CTCFL: variants seen among roughly 807,000 people sequenced by gnomAD.
The protein encoded by CTCFL is CCCTC-binding factor like, also known as transcriptional repressor CTCFL.
CTCFL carries 36 observed loss-of-function variants against 67.4 expected under a neutral mutation model. The observed-to-expected ratio is 0.53, with a 90% CI of 0.41 to 0.71. CTCFL has a LOEUF of 0.71. Ranked by LOEUF, CTCFL falls within the 30% of genes least tolerant of loss-of-function variation. CTCFL has a pLI of 0.00. For synonymous variants in CTCFL, 324 were observed against 302.3 expected, an observed-to-expected ratio of 1.07 and a Z score of -0.75; for missense variants, 786 against 835.2, an observed-to-expected ratio of 0.94 and a Z score of 0.73.
chr20:57,524,053 A>G lies in CTCFL; in HGVS notation c.153T>C (p.Arg51=), dbSNP rs910879830. The part of the protein sequence containing the change: ...HRSPSELEAE[R]TSGAFQDSVL... The stretch of plus-strand genomic sequence containing the variant: ...CGCTGTCCTGGAAGGCCCCAGAGGT[A>G]CGCTCGGCCTCCAACTCACTAGGGC... Residue 51 remains arginine (R), a synonymous_variant, in exon 2 of 11, where the codon CGT becomes CGC. Coordinates refer to ENST00000243914, the MANE Select transcript of CTCFL (RefSeq NM_001386993.1). 1 of 1,613,572 alleles carries G rather than the reference A, an allele frequency of 6.2e-7. No homozygotes were observed. Among genetic ancestry groups the G allele is most frequent in the Non-Finnish European group, 8.5e-7 (1 of 1,179,974 alleles).
At chr20:57,496,726 C>T (rs139552186), downstream of CTCFL, among the ~76,000 whole-genome samples, 180 of 152,342 alleles carry the variant, frequency 1.2e-3, 1 homozygote, top group African/African-American at 4.2e-3. Flanking sequence ...TAGCTGATTT[C>T]ACTCAGCATA....
intron 8 of CTCFL, among the ~76,000 whole-genome samples, chr20:57,509,214 T>C (rs777348952): frequency 7.2e-5 from 11 of 152,166 alleles, no homozygotes; most frequent in East Asian, 3.9e-4. Flanking sequence ...ACCTTTGGGG[T>C]TGCAAGTACC....
intron 1 of CTCFL, 21 bp from the exon 2 acceptor site, chr20:57,524,237 C>G (rs751544195): frequency 6.3e-7 from 1 of 1,589,116 alleles, no homozygotes; most frequent in Non-Finnish European, 8.5e-7. Context: ...AATAAGCAAG[C>G]GGTTTCCATA....
rs771476166 is a variant in CTCFL, at chr20:57,524,111, T to G, written c.95A>C (p.Lys32Thr). ...MPEKGLKEEE[K>T]DGVCREKDHR... The stretch of plus-strand genomic sequence containing the variant: ...GTCTTTCTCTCTGCACACTCCGTCT[T>G]TTTCCTCCTCCTTCAGGCCTTTTTC... The change falls in exon 2 of 11, where the codon AAA (lysine) becomes ACA (threonine). Residue 32 changes from lysine to threonine, a missense_variant. Lys to Thr is a moderately conservative substitution (Grantham distance 78). Around this residue, in one of 3 missense-constraint regions of CTCFL, gnomAD observed 333 missense variants for 304.6 expected, o/e 1.09. Coordinates refer to ENST00000243914, the MANE Select transcript of CTCFL (RefSeq NM_001386993.1). 3.1e-6 allele frequency: 5 copies of G among 1,613,658 alleles called. No homozygotes were observed. The highest frequency in any genetic ancestry group is 4.2e-6 in the Non-Finnish European group (5 of 1,179,966).
Position 57,518,772 on chromosome 20 carries a change from A to G in CTCFL, c.1045T>C (p.Tyr349His). The G allele has an allele frequency of 6.2e-7, 1 of 1,614,192 alleles. No individual in the cohort carries two copies. Among genetic ancestry groups the G allele is most frequent in the Non-Finnish European group, 8.5e-7 (1 of 1,180,030 alleles). Residue 349 changes from tyrosine to histidine, a missense_variant, in exon 5 of 11, where the codon TAT (tyrosine) becomes CAT (histidine). Tyr to His is a moderately conservative substitution (Grantham distance 83). Coordinates refer to ENST00000243914, the MANE Select transcript of CTCFL (RefSeq NM_001386993.1). ...EKPFKCSMCK[Y>H]ASVEASKLKR... ...AATGGCTTTACCTCCACACTGGCAT[A>G]CTTGCACATGGAACATTTAAAGGGT...
chr20:57,515,441 G>C (rs1204600362), intron 6 of CTCFL: 1 of 395,510 alleles, frequency 2.5e-6, no homozygotes, highest in African/African-American at 2.1e-5. Flanking sequence ...CACCATGCCT[G>C]GCCAGGAGTT....
chr20:57,517,823 C>G (rs1038222883), intron 5 of CTCFL, among the ~76,000 whole-genome samples: 2 of 151,984 alleles, frequency 1.3e-5, no homozygotes, highest in East Asian at 3.8e-4. Context: ...GTACTAAGCA[C>G]CGGCAGGACA....
chr20:57,519,456 TC>T (rs2069182774), intron 3 of CTCFL, 79 bp from the exon 4 acceptor site: 1 of 1,278,182 alleles, frequency 7.8e-7, no homozygotes, highest in South Asian at 1.3e-5. Flanking sequence ...CAGCACATCG[TC>T]CTTTCAACTA....
At chr20:57,523,593 A>G (rs1316220094) in intron 2 of CTCFL, 70 bp downstream of exon 2, 3 of 1,545,530 alleles carry the variant, frequency 1.9e-6, no homozygotes, top group African/African-American at 1.4e-5. Context: ...TCCAGACATA[A>G]TATTGCATAA....
chr20:57,522,831 C>T (rs1600683716), intron 3 of CTCFL, among the ~76,000 whole-genome samples: 4 of 152,228 alleles, frequency 2.6e-5, no homozygotes, highest in South Asian at 2.1e-4. Flanking sequence ...TCTATGCTTA[C>T]GTGCACAAGG....
At position 57,524,067 on chromosome 20, in the gene CTCFL, A is replaced by G. The variant is rs1383753639; in HGVS notation, c.139T>C (p.Leu47=). 6.2e-7 allele frequency: 1 copy of G among 1,613,404 alleles called. No homozygotes were observed. Among genetic ancestry groups the G allele is most frequent in the Non-Finnish European group, 8.5e-7 (1 of 1,179,956 alleles). Residue 47 remains leucine, a synonymous_variant, in exon 2 of 11, where the codon TTG becomes CTG. Transcript: ENST00000243914. ...GCCCCAGAGGTACGCTCGGCCTCCA[A>G]CTCACTAGGGCTCCGATGGTCTTTC... ...REKDHRSPSE[L]EAERTSGAFQ...
chr20:57,503,619 C>T lies in CTCFL; in HGVS notation c.1675-18G>A. ...AGGTTAATCTGTCGGAGAATTGACA[C>T]AGAACACACAAGGCGAGTGAGATGG... On this transcript the variant is annotated intron_variant, in intron 9 of 10. Coordinates refer to ENST00000243914, the MANE Select transcript of CTCFL (RefSeq NM_001386993.1). 6.2e-7 allele frequency: 1 copy of T among 1,613,598 alleles called. No individual in the cohort carries two copies. The highest frequency in any genetic ancestry group is 1.7e-5 in the Admixed American group (1 of 59,994).
In CTCFL at chr20:57,509,179, A is replaced by G. The variant is rs2068394704; in HGVS notation, c.1492-391T>C. On this transcript the variant is annotated intron_variant, in intron 8 of 10. Coordinates refer to ENST00000243914, the MANE Select transcript of CTCFL (RefSeq NM_001386993.1). The stretch of plus-strand genomic sequence containing the variant: ...AATAGAACCTGCAAACTTAAAAATC[A>G]AATGTCAGAGTTTAAATTCAGCAGA... Among the ~76,000 whole-genome samples the G allele has an allele frequency of 2.0e-5, 3 of 152,304 alleles. No homozygotes were observed. The South Asian group carries it at 6.2e-4, about 32-fold the overall frequency.
chr20:57,519,164 AACAC>A (rs1193591651), intron 4 of CTCFL, 39 bp downstream of exon 4: 1 of 1,593,576 alleles, frequency 6.3e-7, no homozygotes, highest in East Asian at 2.2e-5. Context: ...CATAAGCCTT[AACAC>A]ACATCATTCC....
intron 5 of CTCFL, 147 bp downstream of exon 5, chr20:57,518,611 A>C: frequency 6.5e-7 from 1 of 1,529,626 alleles, no homozygotes; most frequent in South Asian, 1.2e-5. Flanking sequence ...TTCATAAAAG[A>C]GAATGCATAT....
At position 57,518,806 on chromosome 20, in the gene CTCFL, A is replaced by G; in HGVS notation, c.1011T>C (p.Thr337=). Residue 337 remains threonine (T), a synonymous_variant, in exon 5 of 11, where the codon ACT becomes ACC. Coordinates refer to ENST00000243914, the MANE Select transcript of CTCFL (RefSeq NM_001386993.1). Reference sequence around the variant, plus strand: ...TGGAACATTTAAAGGGTTTCTCATGAGTATGTTTATAGCGCCTGTGTCGGA... The same window carrying G: ...TGGAACATTTAAAGGGTTTCTCATGGGTATGTTTATAGCGCCTGTGTCGGA... ...ELVRHRRYKH[T]HEKPFKCSMC... The G allele has an allele frequency of 6.2e-7, 1 of 1,614,182 alleles. No homozygotes were observed. The highest frequency in any genetic ancestry group is 1.1e-5 in the South Asian group (1 of 91,086).
intron 5 of CTCFL, among the ~76,000 whole-genome samples, chr20:57,517,204 GA>G (rs1473014555): frequency 2.0e-5 from 3 of 151,348 alleles, no homozygotes; most frequent in Non-Finnish European, 4.4e-5. Flanking sequence ...TAAGTGGTGT[GA>G]ATGAGCAAAG....
rs751975906 is a variant in CTCFL, at chr20:57,523,829, G to A, written c.377C>T (p.Pro126Leu). 3.1e-6 allele frequency: 5 copies of A among 1,613,036 alleles called. No homozygotes were observed. Among genetic ancestry groups the A allele is most frequent in the Non-Finnish European group, 4.2e-6 (5 of 1,180,018 alleles). ...CACACACTGCTGCAGGCTCTGCCGGGGCCCTTCCTCAAGCCACAGCAACCC... is the reference window on the plus strand; with the variant it reads ...CACACACTGCTGCAGGCTCTGCCGGAGCCCTTCCTCAAGCCACAGCAACCC... ...GPGLLWLEEG[P>L]RQSLQQCVAI... The change falls in exon 2 of 11, where the codon CCC becomes CTC. Residue 126 changes from proline to leucine, a missense_variant. Physicochemically the swap from Pro to Leu is moderately conservative, Grantham distance 98. Transcript: ENST00000243914.
intron 3 of CTCFL, among the ~76,000 whole-genome samples, chr20:57,520,552 G>A (rs2069275627): frequency 6.6e-6 from 1 of 152,158 alleles, no homozygotes; most frequent in South Asian, 2.1e-4. Context: ...CTGATTCTCA[G>A]TAAAAAAGAG....
Sources: gnomAD v4.1 joint callset for allele counts (sites outside exome capture counted in the v4.1 genomes callset) on GRCh38, gnomAD v4.1.1 for gene constraint, gnomAD v4.1.1 regional missense constraint, MANE v1.5 for transcripts, NCBI Gene and HGNC (gene_info 2026-07-23, HGNC 2026-07-21) for gene names.